The following ARMC2 variants were observed in gnomAD, a reference collection of about 807,000 sequenced individuals.
ARMC2 encodes armadillo repeat containing 2.
In ARMC2, 67 loss-of-function variants were observed where a neutral mutation model predicts 90.3. The ratio of observed to expected loss-of-function variants is 0.74; its 90% confidence interval spans 0.61 to 0.91. The LOEUF (loss-of-function observed/expected upper bound fraction) is 0.91, where lower values mean the gene tolerates loss of function less well. Among genes scored for constraint, ARMC2 ranks in the 40% least tolerant of loss-of-function variants. The pLI, the probability that ARMC2 is intolerant of heterozygous loss-of-function variation, is 0.00. For missense variants in ARMC2, 920 were observed against 1,030.9 expected (o/e 0.89, Z 1.47); for synonymous variants, 393 against 393.0 (o/e 1.00, Z 0.00).
the ARMC2 span, among the ~76,000 whole-genome samples, chr6:109,012,841 G>A: frequency 1.3e-5 from 2 of 152,140 alleles, no homozygotes; most frequent in Non-Finnish European, 2.9e-5. Context: ...TAGGCCGGGC[G>A]TGGTGGCTTA....
At chr6:109,006,345 A>G in the ARMC2 span, among the ~76,000 whole-genome samples, 5 of 151,982 alleles carry the variant, frequency 3.3e-5, no homozygotes, top group African/African-American at 7.3e-5. Flanking sequence ...CATGTGCACA[A>G]TGTGCAGGTT....
rs73524086 is a variant in ARMC2 at position 108,868,829 on chromosome 6, G to A, written c.297G>A (p.Pro99=). The change falls in exon 4 of 18, where the codon CCG becomes CCA. Residue 99 remains proline, a synonymous_variant. Transcript: ENST00000392644. ...GTRLSPLELK[P]KVPASPTREE... is the part of the protein sequence containing the mutation. ...TTAAAAAAATCTCTTTCCAGAAACC[G>A]AAAGTTCCAGCATCTCCCACCAGAG... is the stretch of plus-strand genomic sequence containing the variant. 8.4e-4 allele frequency: 1,358 copies of A among 1,608,220 alleles called. 7 individuals carry two copies. In the African/African-American group the frequency reaches 0.016, roughly 19 times the overall value.
the ARMC2 span, among the ~76,000 whole-genome samples, chr6:109,032,607 G>T: frequency 2.7e-5 from 4 of 146,114 alleles, no homozygotes; most frequent in Non-Finnish European, 5.9e-5. Flanking sequence ...GACAGAGCAA[G>T]ACTTCATCTC....
chr6:109,000,311 T>C, the ARMC2 span: 1 of 455,492 alleles, frequency 2.2e-6, no homozygotes, highest in South Asian at 5.7e-5. Context: ...TAGTAATATA[T>C]CAATTACAGC....
intron 17 of ARMC2, among the ~76,000 whole-genome samples, chr6:108,971,533 T>C (rs1887414): frequency 0.18 from 26,909 of 152,076 alleles, 2,713 homozygotes; most frequent in African/African-American, 0.27. Context: ...AGTGCCAAAG[T>C]ACACAGTGAA....
the ARMC2 span, among the ~76,000 whole-genome samples, chr6:109,052,670 TAA>T: frequency 6.6e-6 from 1 of 152,344 alleles, no homozygotes; most frequent in Admixed American, 6.5e-5. Context: ...AGGTTTTATA[TAA>T]GTTACTGGCA....
intron 3 of ARMC2, among the ~76,000 whole-genome samples, chr6:108,863,778 C>T (rs987007392): frequency 1.3e-5 from 2 of 152,150 alleles, no homozygotes; most frequent in African/African-American, 4.8e-5. Flanking sequence ...TACATTTACA[C>T]AAACTAAACA....
At chr6:108,896,244 A>C (rs746958193) in intron 6 of ARMC2, among the ~76,000 whole-genome samples, 36 of 152,188 alleles carry the variant, frequency 2.4e-4, no homozygotes, top group Non-Finnish European at 4.7e-4. Context: ...AACTATAACC[A>C]CTGAGACAGC....
At chr6:109,002,178 C>T in the ARMC2 span, 3 of 1,010,904 alleles carry the variant, frequency 3.0e-6, no homozygotes, top group Non-Finnish European at 4.6e-6. Context: ...CTGACTAAAA[C>T]ATGTTGTTGA....
At chr6:109,026,586 G>A in the ARMC2 span, among the ~76,000 whole-genome samples, 15 of 151,934 alleles carry the variant, frequency 9.9e-5, no homozygotes, top group South Asian at 2.9e-3. Flanking sequence ...AACCTTCTCC[G>A]CCTCCCAGTT....
intron 11 of ARMC2, among the ~76,000 whole-genome samples, chr6:108,930,126 T>TAAA (rs548988083): frequency 7.2e-6 from 1 of 139,028 alleles, no homozygotes; most frequent in African/African-American, 2.6e-5. Flanking sequence ...AGACCCTATC[T>TAAA]AAAAAAAAAA....
rs150814535 is a variant in ARMC2, at chr6:108,961,620, C to G, written c.1964C>G (p.Ala655Gly). 2.5e-6 allele frequency: 4 copies of G among 1,611,720 alleles called. No individual in the cohort carries two copies. The East Asian group carries it at 8.9e-5, about 36-fold the overall frequency. The change falls in exon 14 of 18, where the codon GCG becomes GGG. Residue 655 changes from alanine to glycine, a missense_variant. Physicochemically the swap from Ala to Gly is moderately conservative, Grantham distance 60. Coordinates refer to ENST00000392644, the MANE Select transcript of ARMC2 (RefSeq NM_032131.6). ...DCEELVINAT[A>G]TINNLSYYQV... The stretch of plus-strand genomic sequence containing the variant: ...GAGGAGCTGGTGATCAATGCTACAG[C>G]GACAATCAACAATTTATCTTACTAC...
intron 3 of ARMC2, among the ~76,000 whole-genome samples, chr6:108,868,385 T>C (rs1776050067): frequency 6.6e-6 from 1 of 152,050 alleles, no homozygotes; most frequent in African/African-American, 2.4e-5. Context: ...CCCAGCCTAT[T>C]TTTGTATTTT....
At chr6:109,051,046 T>C in the ARMC2 span, among the ~76,000 whole-genome samples, 2 of 152,156 alleles carry the variant, frequency 1.3e-5, no homozygotes, top group Non-Finnish European at 2.9e-5. Flanking sequence ...TTCCTGAAGC[T>C]AATCACCAAA....
In ARMC2 at chr6:108,964,271, A is replaced by T; in HGVS notation, c.2244A>T (p.Lys748Asn). 1 of 1,614,016 alleles carries T rather than the reference A, an allele frequency of 6.2e-7. No individual in the cohort carries two copies. The highest frequency in any genetic ancestry group is 2.2e-5 in the East Asian group (1 of 44,888). ...CGVLLNLTVD[K>N]DKRVILKEGG... ...TTCTCCTCAATCTCACTGTGGATAA[A>T]GACAAGCGTGTCATCTTGAAAGAAG... Residue 748 changes from lysine to asparagine, a missense_variant, in exon 16 of 18, where the codon AAA becomes AAT. By Grantham distance (94) the Lys-to-Asn change is moderately conservative. Transcript: ENST00000392644.
At chr6:109,024,978 G>A in the ARMC2 span, among the ~76,000 whole-genome samples, 3 of 152,228 alleles carry the variant, frequency 2.0e-5, no homozygotes, top group East Asian at 1.9e-4. Flanking sequence ...AAAACCCACC[G>A]ACAGGAGGAG....
intron 4 of ARMC2, among the ~76,000 whole-genome samples, chr6:108,872,579 A>ACAGCCAGTGGAG (rs1776532288): frequency 1.3e-5 from 2 of 152,138 alleles, no homozygotes. Flanking sequence ...AGCCAGAGGA[A>ACAGCCAGTGGAG]CAGCCAGTGG....
At chr6:108,858,527 A>G (rs1774889804) in intron 3 of ARMC2, among the ~76,000 whole-genome samples, 3 of 151,696 alleles carry the variant, frequency 2.0e-5, no homozygotes, top group South Asian at 4.1e-4. Flanking sequence ...TTGGTAAGCA[A>G]TATTTCACAA....
At chr6:108,870,416 A>G (rs927474891) in intron 4 of ARMC2, among the ~76,000 whole-genome samples, 20 of 152,024 alleles carry the variant, frequency 1.3e-4, no homozygotes, top group Admixed American at 4.6e-4. Context: ...TGCAGTCACC[A>G]TGTCCCCAGC....
Sources: gnomAD v4.1 joint callset for allele counts (sites outside exome capture counted in the v4.1 genomes callset) on GRCh38, gnomAD v4.1.1 for gene constraint, MANE v1.5 for transcripts, NCBI Gene and HGNC (gene_info 2026-07-23, HGNC 2026-07-21) for gene names.